CASQ1: variants seen among roughly 807,000 people sequenced by gnomAD.
The protein encoded by CASQ1 is calsequestrin-1.
A neutral mutation model predicts 49.5 loss-of-function variants in CASQ1; 40 were observed. The ratio of observed to expected loss-of-function variants is 0.81; its 90% CI spans 0.63 to 1.05. The LOEUF (loss-of-function observed/expected upper bound fraction) is 1.05. Among genes scored for constraint, CASQ1 ranks in the 50% least tolerant of loss-of-function variants. CASQ1 has a pLI of 0.00. For missense variants in CASQ1, 469 were observed against 486.9 expected (o/e 0.96, Z 0.35); for synonymous variants, 174 against 187.2 (o/e 0.93, Z 0.58).
chr1:160,195,671 C>G (rs1654207266), intron 5 of CASQ1, 137 bp downstream of exon 5: 2 of 809,526 alleles, frequency 2.5e-6, no homozygotes, highest in Non-Finnish European at 4.0e-6. Context: ...CCCGGCTCCT[C>G]CCACTCCATA....
chr1:160,197,521 G>T, intron 6 of CASQ1, 48 bp from the exon 7 acceptor site: 8 of 1,377,538 alleles, frequency 5.8e-6, no homozygotes, highest in Non-Finnish European at 8.3e-6. Flanking sequence ...TCTGGAGGGG[G>T]CATCCTTCTA....
At position 160,192,886 on chromosome 1, in the gene CASQ1, G is replaced by A. The variant is rs1259483268; in HGVS notation, c.364G>A (p.Gly122Ser). ...GGATGCAGCTGTGGCCAAGAAACTA[G>A]GTAAGAGAGGGGAGGGCAGGGGAGG... ...EKDAAVAKKL[G>S]LTEVDSMYVF... The change falls in exon 2 of 11, where the codon GGC (glycine) becomes AGC (serine). Residue 122 changes from glycine (G) to serine (S), a missense_variant and splice_region_variant. Transcript: ENST00000368078. 1 of 1,613,444 alleles carries A rather than the reference G, an allele frequency of 6.2e-7. No individual in the cohort carries two copies. Among genetic ancestry groups the A allele is most frequent in the South Asian group, 1.1e-5 (1 of 91,060 alleles).
chr1:160,199,045 T>C lies in CASQ1; in HGVS notation c.976T>C (p.Phe326Leu), dbSNP rs1654308267. ...LSIIWIDPDD[F>L]PLLVPYWEKT... is the part of the protein sequence containing the mutation. The stretch of plus-strand genomic sequence containing the variant: ...CATCATCTGGATTGACCCTGATGAC[T>C]TCCCCCTGGTAAGAGGCACAGCTCA... Residue 326 changes from phenylalanine (F) to leucine (L), a missense_variant, in exon 9 of 11, where the codon TTC (phenylalanine) becomes CTC (leucine). Physicochemically the swap from Phe to Leu is conservative, Grantham distance 22. Transcript: ENST00000368078. The C allele has an allele frequency of 1.3e-6, 2 of 1,591,516 alleles. No individual in the cohort carries two copies. The highest frequency in any genetic ancestry group is 1.7e-6 in the Non-Finnish European group (2 of 1,159,460).
At chr1:160,191,151 C>T in intron 1 of CASQ1, 121 bp downstream of exon 1, 1 of 1,057,404 alleles carries the variant, frequency 9.5e-7, no homozygotes, top group Non-Finnish European at 1.4e-6. Flanking sequence ...GTGGTAGGAA[C>T]CCTGTCCTGA....
Position 160,201,742 on chromosome 1 carries a change from C to T in CASQ1, c.*366C>T, listed in dbSNP as rs13375800. 0.016 allele frequency: 4,407 copies of T among 271,186 alleles called. 188 individuals carry two copies. Among genetic ancestry groups the T allele is most frequent in the African/African-American group, 0.089 (4,117 of 46,440 alleles). 16.8% of individuals were successfully genotyped at this position (271,186 alleles called of 1,614,324 possible). ...TCTATGCACAGCTTTCCCCCACTCT[C>T]TCTAATCCTGTATCTTTCTGACTGT... is the stretch of plus-strand genomic sequence containing the variant. On this transcript the variant is annotated 3_prime_UTR_variant, in exon 11 of 11. Coordinates refer to ENST00000368078, the MANE Select transcript of CASQ1 (RefSeq NM_001231.5).
chr1:160,195,893 A>C lies in CASQ1; in HGVS notation c.652-4A>C. 1 of 1,613,368 alleles carries C rather than the reference A, an allele frequency of 6.2e-7. No homozygotes were observed. On this transcript the variant is annotated splice_region_variant and splice_polypyrimidine_tract_variant and intron_variant, in intron 5 of 10. Coordinates refer to ENST00000368078, the MANE Select transcript of CASQ1 (RefSeq NM_001231.5). Reference sequence around the variant, plus strand: ...CCACTCCCCTCCTACCCCCTCTCCCAAAGGTGGCAAAGAAGCTGACCCTGA... The same window carrying C: ...CCACTCCCCTCCTACCCCCTCTCCCCAAGGTGGCAAAGAAGCTGACCCTGA...
rs1654214204 is a variant in CASQ1 at position 160,195,959 on chromosome 1, G to A, written c.714G>A (p.Glu238=). The A allele has an allele frequency of 6.2e-7, 1 of 1,613,970 alleles. No homozygotes were observed. Among genetic ancestry groups the A allele is most frequent in the East Asian group, 2.2e-5 (1 of 44,890 alleles). The change falls in exon 6 of 11, where the codon GAG becomes GAA. Residue 238 remains glutamate (E), a synonymous_variant. Transcript: ENST00000368078. ...EIDFYEAFME[E]PVTIPDKPNS... is the part of the protein sequence containing the mutation. Reference sequence around the variant, plus strand: ...ATTTCTACGAGGCCTTCATGGAAGAGCCTGTGACCATCCCAGACAAGCCCA... The same window carrying A: ...ATTTCTACGAGGCCTTCATGGAAGAACCTGTGACCATCCCAGACAAGCCCA...
chr1:160,195,245 C>T (rs1654189644), intron 4 of CASQ1, 122 bp downstream of exon 4: 3 of 743,788 alleles, frequency 4.0e-6, no homozygotes, highest in South Asian at 3.5e-5. Flanking sequence ...CTTCCTCCAG[C>T]CGTGGTCAGC....
chr1:160,193,845 G>T lies in CASQ1; in HGVS notation c.463G>T (p.Asp155Tyr). The T allele has an allele frequency of 6.2e-7, 1 of 1,608,902 alleles. No individual in the cohort carries two copies. The highest frequency in any genetic ancestry group is 2.2e-5 in the East Asian group (1 of 44,858). The change falls in exon 3 of 11, where the codon GAT becomes TAT. Residue 155 changes from aspartate to tyrosine, a missense_variant and splice_region_variant. By Grantham distance (160) the Asp-to-Tyr change is radical. Transcript: ENST00000368078. ...SADTIVEFLL[D>Y]VLEDPVELIE... Reference sequence around the variant, plus strand: ...TGACACCATCGTGGAGTTTCTGCTTGATGTAAGGACTCCCCTGGACCTGAC... The same window carrying T: ...TGACACCATCGTGGAGTTTCTGCTTTATGTAAGGACTCCCCTGGACCTGAC...
chr1:160,198,736 G>T lies in CASQ1; in HGVS notation c.883+5G>T. The T allele has an allele frequency of 6.2e-7, 1 of 1,612,600 alleles. No homozygotes were observed. The highest frequency in any genetic ancestry group is 8.5e-7 in the Non-Finnish European group (1 of 1,178,638). Reference sequence around the variant, plus strand: ...TCGCAGAGGAAGCTGATCCTGGTGAGGGAGGAATACCGGGTTGGACTGGAG... The same window carrying T: ...TCGCAGAGGAAGCTGATCCTGGTGATGGAGGAATACCGGGTTGGACTGGAG... On this transcript the variant is annotated splice_donor_5th_base_variant and intron_variant, in intron 8 of 10. Coordinates refer to ENST00000368078, the MANE Select transcript of CASQ1 (RefSeq NM_001231.5).
intron 1 of CASQ1, among the ~76,000 whole-genome samples, chr1:160,191,375 G>A (rs979062049): frequency 2.0e-5 from 3 of 152,130 alleles, no homozygotes; most frequent in Admixed American, 1.3e-4. Flanking sequence ...GAGAACAGCA[G>A]TGTATATTGC....
At chr1:160,198,566 CCA>C (rs1441151051) in intron 7 of CASQ1, 109 bp from the exon 8 acceptor site, 1 of 783,994 alleles carries the variant, frequency 1.3e-6, no homozygotes, top group African/African-American at 1.7e-5. Flanking sequence ...AGCTGGATTT[CCA>C]CAAAATTGAG....
intron 9 of CASQ1, among the ~76,000 whole-genome samples, chr1:160,199,482 A>G (rs958381932): frequency 2.0e-5 from 3 of 152,222 alleles, no homozygotes; most frequent in Admixed American, 2.0e-4. Context: ...AAACGTGAGA[A>G]ACATTGGCAC....
In CASQ1 at chr1:160,193,898, C is replaced by T. The variant is rs758872724; in HGVS notation, c.465+51C>T. ...CCTTGCTTGAAAACTCCACTGCCTG[C>T]CCCCTAGTCCCTACCAACCCCAACC... On this transcript the variant is annotated intron_variant, in intron 3 of 10. Transcript: ENST00000368078. 6 of 1,186,650 alleles carry T rather than the reference C, an allele frequency of 5.1e-6. No homozygotes were observed. The Admixed American group carries it at 6.8e-5, about 14-fold the overall frequency. The allele number at this position is 1,186,650 out of a possible 1,614,324, so 73.5% of individuals were successfully genotyped here.
Position 160,193,754 on chromosome 1 carries a change from T to C in CASQ1, c.372T>C (p.Thr124=). The change falls in exon 3 of 11, where the codon ACT becomes ACC. Residue 124 remains threonine, a synonymous_variant. Transcript: ENST00000368078. Reference sequence around the variant, plus strand: ...GCCCGGCTCACTCCCTAGGCCTAACTGAAGTGGACAGCATGTATGTATTCA... The same window carrying C: ...GCCCGGCTCACTCCCTAGGCCTAACCGAAGTGGACAGCATGTATGTATTCA... ...DAAVAKKLGL[T]EVDSMYVFKG... is the part of the protein sequence containing the mutation. 1 of 1,604,498 alleles carries C rather than the reference T, an allele frequency of 6.2e-7. No individual in the cohort carries two copies. Among genetic ancestry groups the C allele is most frequent in the Non-Finnish European group, 8.5e-7 (1 of 1,173,292 alleles).
intron 1 of CASQ1, among the ~76,000 whole-genome samples, chr1:160,191,237 G>A (rs997875769): frequency 4.6e-5 from 7 of 152,106 alleles, no homozygotes; most frequent in South Asian, 2.1e-4. Flanking sequence ...TACTATCAGC[G>A]TCAGGAAACC....
At position 160,195,944 on chromosome 1, in the gene CASQ1, G is replaced by A. The variant is rs370167276; in HGVS notation, c.699G>A (p.Glu233=). The change falls in exon 6 of 11, where the codon GAG becomes GAA. Residue 233 remains glutamate (E), a synonymous_variant. Transcript: ENST00000368078. ...AGCTGAATGAGATTGATTTCTACGA[G>A]GCCTTCATGGAAGAGCCTGTGACCA... is the stretch of plus-strand genomic sequence containing the variant. The part of the protein sequence containing the change: ...TLKLNEIDFY[E]AFMEEPVTIP... 1 of 1,613,996 alleles carries A rather than the reference G, an allele frequency of 6.2e-7. No individual in the cohort carries two copies. Among genetic ancestry groups the A allele is most frequent in the Non-Finnish European group, 8.5e-7 (1 of 1,179,952 alleles).
chr1:160,201,111 T>C, intron 10 of CASQ1, 134 bp from the exon 11 acceptor site: 2 of 940,286 alleles, frequency 2.1e-6, no homozygotes, highest in Non-Finnish European at 1.6e-6. Context: ...CCTGGACAGT[T>C]TCCCTGGCCT....
Position 160,195,923 on chromosome 1 carries a change from G to A in CASQ1, c.678G>A (p.Leu226=), listed in dbSNP as rs748960249. 8 of 1,614,002 alleles carry A rather than the reference G, an allele frequency of 5.0e-6. No homozygotes were observed. The South Asian group carries it at 8.8e-5, about 18-fold the overall frequency. Reference sequence around the variant, plus strand: ...TGGCAAAGAAGCTGACCCTGAAGCTGAATGAGATTGATTTCTACGAGGCCT... The same window carrying A: ...TGGCAAAGAAGCTGACCCTGAAGCTAAATGAGATTGATTTCTACGAGGCCT... ...SKVAKKLTLK[L]NEIDFYEAFM... The change falls in exon 6 of 11, where the codon CTG becomes CTA. Residue 226 remains leucine, a synonymous_variant. Coordinates refer to ENST00000368078, the MANE Select transcript of CASQ1 (RefSeq NM_001231.5).
Sources: gnomAD v4.1 joint callset for allele counts (sites outside exome capture counted in the v4.1 genomes callset) on GRCh38, gnomAD v4.1.1 for gene constraint, MANE v1.5 for transcripts, NCBI Gene and HGNC (gene_info 2026-07-23, HGNC 2026-07-21) for gene names.